The following TMTC2 variants were observed in gnomAD, a reference collection of about 807,000 sequenced individuals.
The protein encoded by TMTC2 is protein O-mannosyl-transferase TMTC2.
A neutral mutation model predicts 82.4 loss-of-function variants in TMTC2; 43 were observed. That is an observed-to-expected ratio of 0.52 (90% CI 0.41 to 0.67). The LOEUF (loss-of-function observed/expected upper bound fraction) is 0.67, where lower values mean the gene tolerates loss of function less well. Among genes scored for constraint, TMTC2 ranks in the 30% least tolerant of loss-of-function variants. The pLI is 0.00. For synonymous variants in TMTC2, 408 were observed against 381.9 expected, an observed-to-expected ratio of 1.07 and a Z score of -0.80; for missense variants, 919 against 1,012.4, an observed-to-expected ratio of 0.91 and a Z score of 1.25.
intron 11 of TMTC2, among the ~76,000 whole-genome samples, chr12:83,086,228 C>T (rs1025371914): frequency 1.1e-4 from 16 of 151,980 alleles, no homozygotes; most frequent in African/African-American, 2.9e-4. Context: ...CAGGCAGAGG[C>T]GCTCCTTACT....
At chr12:82,739,659 AC>A (rs1875299333) in intron 1 of TMTC2, among the ~76,000 whole-genome samples, 1 of 151,592 alleles carries the variant, frequency 6.6e-6, no homozygotes, top group Non-Finnish European at 1.5e-5. Context: ...AAGACATTTT[AC>A]AATCATTGGT....
chr12:82,840,166 A>C (rs577600006), intron 1 of TMTC2, among the ~76,000 whole-genome samples: 1 of 152,348 alleles, frequency 6.6e-6, no homozygotes, highest in East Asian at 1.9e-4. Flanking sequence ...ACTGTGCGTC[A>C]TGCACTGTGC....
intron 4 of TMTC2, among the ~76,000 whole-genome samples, chr12:82,942,031 G>A (rs189214195): frequency 2.0e-3 from 303 of 152,234 alleles, no homozygotes; most frequent in African/African-American, 7.0e-3. Context: ...ATGAGCCACC[G>A]CACCTGGCTG....
chr12:83,012,283 AAAAT>A (rs1880496905), intron 8 of TMTC2, among the ~76,000 whole-genome samples: 1 of 152,212 alleles, frequency 6.6e-6, no homozygotes, highest in African/African-American at 2.4e-5. Flanking sequence ...AGAGAAGAAA[AAAAT>A]AAATATTAAA....
At chr12:82,755,263 G>T (rs1876237366) in intron 1 of TMTC2, among the ~76,000 whole-genome samples, 1 of 152,204 alleles carries the variant, frequency 6.6e-6, no homozygotes, top group Non-Finnish European at 1.5e-5. Flanking sequence ...GAAACTGATT[G>T]TGGTGTCTAT....
chr12:82,691,463 A>G (rs1592851028), intron 1 of TMTC2, among the ~76,000 whole-genome samples: 1 of 152,190 alleles, frequency 6.6e-6, no homozygotes, highest in South Asian at 2.1e-4. Flanking sequence ...TTTTATAAAC[A>G]CATGAGTTAA....
At chr12:83,065,528 T>A (rs932928447) in intron 11 of TMTC2, among the ~76,000 whole-genome samples, 1 of 151,928 alleles carries the variant, frequency 6.6e-6, no homozygotes, top group African/African-American at 2.4e-5. Flanking sequence ...TTTACTTGAT[T>A]TTTGGGGCTG....
intron 11 of TMTC2, among the ~76,000 whole-genome samples, chr12:83,072,340 G>T (rs1845754733): frequency 6.6e-6 from 1 of 151,952 alleles, no homozygotes; most frequent in Non-Finnish European, 1.5e-5. Context: ...TTGATTTCCG[G>T]CTTTATTCCA....
chr12:82,793,015 G>A (rs1222314238), intron 1 of TMTC2, among the ~76,000 whole-genome samples: 2 of 152,052 alleles, frequency 1.3e-5, no homozygotes, highest in Admixed American at 1.3e-4. Flanking sequence ...CTTAAAGTGT[G>A]CTATATTTTT....
At chr12:82,808,506 A>T (rs1249020123) in intron 1 of TMTC2, among the ~76,000 whole-genome samples, 1 of 152,118 alleles carries the variant, frequency 6.6e-6, no homozygotes, top group Admixed American at 6.6e-5. Flanking sequence ...GTTCGTAGAT[A>T]TGGAAACTGA....
intron 1 of TMTC2, among the ~76,000 whole-genome samples, chr12:82,699,442 G>A (rs1295511775): frequency 6.6e-6 from 1 of 152,090 alleles, no homozygotes; most frequent in Non-Finnish European, 1.5e-5. Context: ...TTGGTACTTT[G>A]GTTCTGCTTG....
chr12:82,929,362 C>T (rs1875900143), intron 3 of TMTC2, among the ~76,000 whole-genome samples: 1 of 152,058 alleles, frequency 6.6e-6, no homozygotes, highest in Non-Finnish European at 1.5e-5. Flanking sequence ...CAGCCTCAGA[C>T]ACTGTCTTAA....
At chr12:83,129,450 T>A (rs1223428728) in intron 11 of TMTC2, among the ~76,000 whole-genome samples, 1 of 152,170 alleles carries the variant, frequency 6.6e-6, no homozygotes, top group Non-Finnish European at 1.5e-5. Context: ...TTTCTTAGAC[T>A]AATATTAAAA....
chr12:82,864,469 C>T (rs1022198944), intron 2 of TMTC2, among the ~76,000 whole-genome samples: 6 of 147,160 alleles, frequency 4.1e-5, no homozygotes, highest in Non-Finnish European at 7.5e-5. Flanking sequence ...AGTTTTATAT[C>T]TCATTCATAT....
intron 1 of TMTC2, among the ~76,000 whole-genome samples, chr12:82,740,161 T>G (rs900477437): frequency 5.9e-5 from 9 of 152,202 alleles, no homozygotes; most frequent in African/African-American, 1.9e-4. Context: ...CTAGAAATCC[T>G]TATAATCCCT....
intron 1 of TMTC2, among the ~76,000 whole-genome samples, chr12:82,830,870 C>A (rs1869709144): frequency 6.6e-6 from 1 of 151,946 alleles, no homozygotes; most frequent in African/African-American, 2.4e-5. Context: ...AAATGTATAC[C>A]AAACAATACC....
intron 11 of TMTC2, among the ~76,000 whole-genome samples, chr12:83,101,259 G>A (rs986215357): frequency 1.4e-4 from 21 of 152,152 alleles, no homozygotes; most frequent in Admixed American, 5.2e-4. Context: ...CAATGGGCCA[G>A]TTGCAAAGCT....
intron 8 of TMTC2, among the ~76,000 whole-genome samples, chr12:83,021,386 T>C (rs1456777086): frequency 6.6e-6 from 1 of 152,098 alleles, no homozygotes; most frequent in Non-Finnish European, 1.5e-5. Flanking sequence ...GTCTTTCCCA[T>C]GTGAATAAAT....
At chr12:82,824,959 C>T (rs1169690909) in intron 1 of TMTC2, among the ~76,000 whole-genome samples, 2 of 151,952 alleles carry the variant, frequency 1.3e-5, no homozygotes, top group Non-Finnish European at 2.9e-5. Flanking sequence ...CGTGGTGGCG[C>T]GTGCCTGTTA....
Sources: allele counts gnomAD v4.1 joint callset (sites outside exome capture counted in the v4.1 genomes callset), GRCh38; gene constraint gnomAD v4.1.1; transcripts MANE v1.5; gene names NCBI Gene and HGNC (gene_info 2026-07-23, HGNC 2026-07-21).